The following B3GALT1 variants were observed in gnomAD, a reference collection of about 807,000 sequenced individuals.
B3GALT1 encodes the protein beta-1,3-galactosyltransferase 1.
In B3GALT1, 10 loss-of-function variants were observed where a neutral mutation model predicts 23.2. The observed-to-expected ratio is 0.43, with a 90% CI of 0.27 to 0.73. The LOEUF (loss-of-function observed/expected upper bound fraction) is 0.73. Among genes scored for constraint, B3GALT1 ranks in the 30% least tolerant of loss-of-function variants. The probability of loss-of-function intolerance (pLI) is 0.21; values close to 1 mark genes in which losing one functional copy is unlikely to be tolerated. For missense variants in B3GALT1, 299 were observed against 405.4 expected, an observed-to-expected ratio of 0.74 and a Z score of 2.25; for synonymous variants, 156 against 141.5, an observed-to-expected ratio of 1.10 and a Z score of -0.73.
At chr2:167,405,621 AG>A (rs1277556166) in intron 1 of B3GALT1, among the ~76,000 whole-genome samples, 1 of 152,098 alleles carries the variant, frequency 6.6e-6, no homozygotes, top group African/African-American at 2.4e-5. Flanking sequence ...GTTCAGACAA[AG>A]GGTTTTCTTT....
intron 1 of B3GALT1, among the ~76,000 whole-genome samples, chr2:167,401,520 C>A (rs956436314): frequency 1.3e-5 from 2 of 152,088 alleles, no homozygotes; most frequent in Admixed American, 6.6e-5. Context: ...CCTTGGGGTC[C>A]TCTTTCCCTA....
At chr2:167,781,732 C>CT (rs1233172195) in intron 3 of B3GALT1, among the ~76,000 whole-genome samples, 11 of 151,860 alleles carry the variant, frequency 7.2e-5, no homozygotes, top group Middle Eastern at 6.8e-3. Context: ...TTGGCTGCCT[C>CT]TTTTTTTGTT....
chr2:167,821,230 G>A (rs1689099035), intron 4 of B3GALT1, among the ~76,000 whole-genome samples: 1 of 151,946 alleles, frequency 6.6e-6, no homozygotes, highest in African/African-American at 2.4e-5. Flanking sequence ...CTAATATTCT[G>A]GCAACAGAAG....
At chr2:167,558,879 G>C (rs1196780679) in intron 2 of B3GALT1, among the ~76,000 whole-genome samples, 1 of 152,210 alleles carries the variant, frequency 6.6e-6, no homozygotes, top group Non-Finnish European at 1.5e-5. Context: ...TCTGGGGGCA[G>C]GGCACAGACA....
chr2:167,330,156 T>C (rs1696951077), intron 1 of B3GALT1, among the ~76,000 whole-genome samples: 1 of 150,408 alleles, frequency 6.6e-6, no homozygotes, highest in South Asian at 2.1e-4. Flanking sequence ...ATAATTCATA[T>C]ATTTGGTTGC....
chr2:167,808,150 G>A (rs567816118), intron 3 of B3GALT1, among the ~76,000 whole-genome samples: 1 of 150,836 alleles, frequency 6.6e-6, no homozygotes, highest in Non-Finnish European at 1.5e-5. Flanking sequence ...TTTTCCATTG[G>A]CTTGGTAGAT....
chr2:167,629,587 T>A (rs1574177729), intron 2 of B3GALT1, among the ~76,000 whole-genome samples: 1 of 151,884 alleles, frequency 6.6e-6, no homozygotes, highest in East Asian at 1.9e-4. Context: ...CCTCTGAACC[T>A]CTGAACCATT....
chr2:167,846,096 T>C (rs1036175034), intron 4 of B3GALT1, among the ~76,000 whole-genome samples: 1 of 152,066 alleles, frequency 6.6e-6, no homozygotes, highest in Non-Finnish European at 1.5e-5. Flanking sequence ...CCAAGAAGTC[T>C]GGGATTATGT....
At chr2:167,524,873 T>C (rs1683194239) in intron 2 of B3GALT1, among the ~76,000 whole-genome samples, 1 of 152,204 alleles carries the variant, frequency 6.6e-6, no homozygotes, top group African/African-American at 2.4e-5. Context: ...TTCATATCAG[T>C]ATGTCTAAAG....
Position 167,561,155 on chromosome 2 carries a change from C to G in B3GALT1, c.-410+70878C>G, listed in dbSNP as rs559997241. On this transcript the variant is annotated intron_variant, in intron 2 of 4. Transcript: ENST00000392690. ...AGAGCTCAGGATTAAGAAACTCACT[C>G]AAAACCACTCAACTACATGGAAACT... Among the ~76,000 whole-genome samples the G allele has an allele frequency of 1.1e-3, 167 of 152,328 alleles. 1 individual carries two copies. The highest frequency in any genetic ancestry group is 3.8e-3 in the African/African-American group (156 of 41,580).
At chr2:167,867,170 C>T (rs540465388) in intron 4 of B3GALT1, among the ~76,000 whole-genome samples, 1 of 152,286 alleles carries the variant, frequency 6.6e-6, no homozygotes, top group African/African-American at 2.4e-5. Flanking sequence ...TCGTGATCCG[C>T]CCCCCTTGGC....
intron 4 of B3GALT1, among the ~76,000 whole-genome samples, chr2:167,849,876 C>T (rs1383028310): frequency 2.9e-5 from 4 of 139,056 alleles, no homozygotes; most frequent in South Asian, 2.3e-4. Flanking sequence ...GGGAAAAGAG[C>T]GAGACTCTGT....
intron 1 of B3GALT1, among the ~76,000 whole-genome samples, chr2:167,484,158 C>T (rs761568083): frequency 2.6e-5 from 4 of 152,098 alleles, no homozygotes; most frequent in South Asian, 2.1e-4. Flanking sequence ...TGAAAATTTT[C>T]GCCTAAGGAT....
At chr2:167,863,331 C>G (rs747127343) in intron 4 of B3GALT1, among the ~76,000 whole-genome samples, 1 of 152,156 alleles carries the variant, frequency 6.6e-6, no homozygotes, top group Non-Finnish European at 1.5e-5. Flanking sequence ...TCCTCAGGAT[C>G]TAAAACCATA....
intron 2 of B3GALT1, among the ~76,000 whole-genome samples, chr2:167,559,562 A>T (rs556821179): frequency 6.6e-6 from 1 of 152,194 alleles, no homozygotes; most frequent in African/African-American, 2.4e-5. Context: ...TTTGAAAAAA[A>T]TTTAGACGAA....
At chr2:167,340,052 T>G (rs10166605) in intron 1 of B3GALT1, among the ~76,000 whole-genome samples, 2,507 of 152,288 alleles carry the variant, frequency 0.016, 58 homozygotes, top group East Asian at 0.083. Context: ...GCACAAGATT[T>G]GAACAAAAAC....
Position 167,511,007 on chromosome 2 carries a change from A to G in B3GALT1, c.-410+20730A>G, listed in dbSNP as rs143132344. Among the ~76,000 whole-genome samples the G allele has an allele frequency of 5.5e-4, 84 of 152,334 alleles. No individual in the cohort carries two copies. The East Asian group carries it at 0.015, about 28-fold the overall frequency. On this transcript the variant is annotated intron_variant, in intron 2 of 4. Coordinates refer to ENST00000392690, the MANE Select transcript of B3GALT1 (RefSeq NM_020981.4). ...TCAATAAAAAAAGAGAAAGTAAAAT[A>G]TTAATCATGATCCTTAGTATGTGCA...
intron 1 of B3GALT1, among the ~76,000 whole-genome samples, chr2:167,419,056 A>T (rs1698511074): frequency 6.6e-6 from 1 of 152,238 alleles, no homozygotes; most frequent in Admixed American, 6.5e-5. Flanking sequence ...CCAGAAAAAA[A>T]TATTATTAGG....
intron 3 of B3GALT1, among the ~76,000 whole-genome samples, chr2:167,755,035 C>T (rs115102047): frequency 5.3e-5 from 8 of 151,872 alleles, no homozygotes; most frequent in South Asian, 2.1e-4. Flanking sequence ...TTGTAGGGGG[C>T]GGGGTGATGG....
Sources: gnomAD v4.1 joint callset for allele counts (sites outside exome capture counted in the v4.1 genomes callset) on GRCh38, gnomAD v4.1.1 for gene constraint, MANE v1.5 for transcripts, NCBI Gene and HGNC (gene_info 2026-07-23, HGNC 2026-07-21) for gene names.